Variants in CNTN1 observed in about 807,000 individuals in gnomAD.
The protein encoded by CNTN1 is contactin 1, also known as contactin-1.
A neutral mutation model predicts 126.4 loss-of-function variants in CNTN1; 38 were observed. The observed-to-expected ratio is 0.30, with a 90% CI of 0.23 to 0.39. The LOEUF is 0.39. CNTN1 is among the 10% of genes least tolerant of loss of function. CNTN1 has a pLI of 1.00. For synonymous variants in CNTN1, 413 were observed against 422.6 expected, an observed-to-expected ratio of 0.98 and a Z score of 0.28; for missense variants, 1,009 against 1,248.4, an observed-to-expected ratio of 0.81 and a Z score of 2.89.
intron 1 of CNTN1, among the ~76,000 whole-genome samples, chr12:40,718,315 C>T (rs912133354): frequency 6.6e-5 from 10 of 152,050 alleles, no homozygotes; most frequent in Non-Finnish European, 1.5e-4. Context: ...ACTACAGGCA[C>T]GTGCTACCAT....
At chr12:40,784,307 C>T (rs12424306) in intron 1 of CNTN1, among the ~76,000 whole-genome samples, 7,490 of 152,100 alleles carry the variant, frequency 0.049, 248 homozygotes, top group East Asian at 0.07. Context: ...CACAGCAGTT[C>T]CCCCAATAGT....
chr12:40,765,152 A>G (rs2136422746), intron 1 of CNTN1, among the ~76,000 whole-genome samples: 1 of 152,184 alleles, frequency 6.6e-6, no homozygotes, highest in Middle Eastern at 3.4e-3. Flanking sequence ...GATAATGGAT[A>G]TATATGCAGA....
chr12:40,855,922 G>T (rs36079356), intron 1 of CNTN1, among the ~76,000 whole-genome samples: 2,374 of 152,166 alleles, frequency 0.016, 43 homozygotes, highest in Non-Finnish European at 0.022. Flanking sequence ...AAATAATTTA[G>T]TTGCTAGCCA....
At chr12:40,836,008 G>GTA (rs1555166392) in intron 1 of CNTN1, among the ~76,000 whole-genome samples, 63,227 of 148,050 alleles carry the variant, frequency 0.43, 14,333 homozygotes, top group Non-Finnish European at 0.5. Context: ...GTGTGTGTGT[G>GTA]TATATATGTA....
intron 23 of CNTN1, among the ~76,000 whole-genome samples, chr12:41,051,821 A>T (rs1050020938): frequency 2.6e-5 from 4 of 151,892 alleles, no homozygotes; most frequent in Non-Finnish European, 5.9e-5. Flanking sequence ...ATCTTGTAAG[A>T]GGAAGAATGC....
chr12:40,855,039 T>C (rs1357296806), intron 1 of CNTN1, among the ~76,000 whole-genome samples: 1 of 152,130 alleles, frequency 6.6e-6, no homozygotes, highest in Non-Finnish European at 1.5e-5. Context: ...ATTGAATTTT[T>C]GTCTGCAAGA....
intron 23 of CNTN1, among the ~76,000 whole-genome samples, chr12:41,037,681 C>G (rs1003494868): frequency 2.0e-4 from 31 of 151,786 alleles, no homozygotes; most frequent in African/African-American, 6.3e-4. Flanking sequence ...CACACACACA[C>G]ACACACACAC....
At chr12:41,030,156 G>T (rs1949118968) in intron 23 of CNTN1, among the ~76,000 whole-genome samples, 1 of 150,876 alleles carries the variant, frequency 6.6e-6, no homozygotes, top group Admixed American at 6.6e-5. Flanking sequence ...ATATACCCCT[G>T]AACTTAAAAT....
intron 1 of CNTN1, among the ~76,000 whole-genome samples, chr12:40,724,135 T>G (rs1942288944): frequency 2.0e-5 from 3 of 152,172 alleles, no homozygotes; most frequent in Admixed American, 2.0e-4. Context: ...AAAGACAAAT[T>G]AGAACATTTT....
At chr12:40,988,762 T>C (rs1948027457) in intron 16 of CNTN1, among the ~76,000 whole-genome samples, 1 of 152,184 alleles carries the variant, frequency 6.6e-6, no homozygotes, top group African/African-American at 2.4e-5. Flanking sequence ...TCTCTTTGCT[T>C]AAAATTTACA....
At chr12:41,015,596 C>T (rs1218009338) in intron 18 of CNTN1, among the ~76,000 whole-genome samples, 32 of 152,074 alleles carry the variant, frequency 2.1e-4, no homozygotes, top group Admixed American at 2.1e-3. Context: ...CAACCACATA[C>T]AGCTTCTACC....
Position 41,000,343 on chromosome 12 carries a change from C to A in CNTN1, c.2113+7074C>A, listed in dbSNP as rs147217353. Among the ~76,000 whole-genome samples, 18 of 152,156 alleles carry A rather than the reference C, an allele frequency of 1.2e-4. No individual in the cohort carries two copies. The East Asian group carries it at 3.3e-3, about 28-fold the overall frequency. ...TGACTACTATACTTGTACTTAAACA[C>A]CCTTATTGTTTGATTATAGGACAAC... On this transcript the variant is annotated intron_variant, in intron 17 of 23. Coordinates refer to ENST00000551295, the MANE Select transcript of CNTN1 (RefSeq NM_001843.4).
At chr12:40,936,027 TATTTATCTGC>T (rs1946067762) in intron 9 of CNTN1, among the ~76,000 whole-genome samples, 1 of 152,120 alleles carries the variant, frequency 6.6e-6, no homozygotes, top group African/African-American at 2.4e-5. Flanking sequence ...TGTATTAATT[TATTTATCTGC>T]ATTTATTTGG....
At chr12:40,711,902 G>A (rs73110822) in intron 1 of CNTN1, among the ~76,000 whole-genome samples, 1,782 of 152,086 alleles carry the variant, frequency 0.012, 24 homozygotes, top group African/African-American at 0.04. Flanking sequence ...GTAGAGAAGA[G>A]GTCTTGCTAT....
intron 23 of CNTN1, among the ~76,000 whole-genome samples, chr12:41,044,702 T>C (rs996067014): frequency 6.6e-6 from 1 of 152,020 alleles, no homozygotes; most frequent in Non-Finnish European, 1.5e-5. Context: ...CTCCCATATA[T>C]AGTGAGTGCT....
intron 1 of CNTN1, among the ~76,000 whole-genome samples, chr12:40,781,109 G>A (rs193155140): frequency 1.1e-4 from 16 of 151,966 alleles, no homozygotes; most frequent in South Asian, 2.1e-4. Context: ...TAAGACCCTC[G>A]AAATGTAAGT....
intron 1 of CNTN1, among the ~76,000 whole-genome samples, chr12:40,864,843 A>G (rs1369005884): frequency 6.6e-6 from 1 of 152,160 alleles, no homozygotes; most frequent in Non-Finnish European, 1.5e-5. Context: ...TCTCTCATGC[A>G]TACAATTAAG....
chr12:40,914,074 T>C (rs1405290564), intron 3 of CNTN1, among the ~76,000 whole-genome samples: 2 of 152,198 alleles, frequency 1.3e-5, no homozygotes, highest in African/African-American at 4.8e-5. Flanking sequence ...AAAAATAATT[T>C]TAGTTTTTAA....
chr12:40,981,929 T>A (rs1044912540), intron 16 of CNTN1, among the ~76,000 whole-genome samples: 5 of 150,646 alleles, frequency 3.3e-5, no homozygotes, highest in African/African-American at 1.2e-4. Flanking sequence ...TTCCTCCTTT[T>A]TAAAAAACTA....
Sources: gnomAD v4.1 joint callset for allele counts (sites outside exome capture counted in the v4.1 genomes callset) on GRCh38, gnomAD v4.1.1 for gene constraint, MANE v1.5 for transcripts, NCBI Gene and HGNC (gene_info 2026-07-23, HGNC 2026-07-21) for gene names.